LRRC49: variants seen among roughly 807,000 people sequenced by gnomAD.
LRRC49 encodes the protein leucine-rich repeat-containing protein 49.
A neutral mutation model predicts 83.3 loss-of-function variants in LRRC49; 50 were observed. The ratio of observed to expected loss-of-function variants is 0.60; its 90% CI spans 0.48 to 0.76. The LOEUF is 0.76. Among genes scored for constraint, LRRC49 ranks in the 30% least tolerant of loss-of-function variants. The pLI is 0.00. For synonymous variants in LRRC49, 286 were observed against 283.3 expected (o/e 1.01, Z -0.10); for missense variants, 704 against 809.1 (o/e 0.87, Z 1.58).
At chr15:70,854,817 A>G (rs2032610433) in intron 1 of LRRC49, among the ~76,000 whole-genome samples, 2 of 152,190 alleles carry the variant, frequency 1.3e-5, no homozygotes, top group Admixed American at 6.5e-5. Flanking sequence ...TGTTTTAACA[A>G]GGCCTCTAGG....
chr15:70,892,633 C>G (rs575408952), upstream of LRRC49: 14 of 1,448,644 alleles, frequency 9.7e-6, no homozygotes, highest in Middle Eastern at 2.5e-4. Context: ...TATCCTCCTC[C>G]CAATACTCCC....
chr15:71,035,949 A>G (rs1485523416), intron 14 of LRRC49, among the ~76,000 whole-genome samples: 1 of 151,962 alleles, frequency 6.6e-6, no homozygotes, highest in Non-Finnish European at 1.5e-5. Context: ...ACTAATTTAC[A>G]CTCCCACCAA....
chr15:70,888,177 A>G (rs1287273308), upstream of LRRC49, among the ~76,000 whole-genome samples: 5 of 152,208 alleles, frequency 3.3e-5, no homozygotes, highest in Admixed American at 2.6e-4. Flanking sequence ...AAAATTGACA[A>G]ATCAATTCTG....
chr15:70,988,683 TGTTAGCTG>T (rs1430770453), intron 11 of LRRC49, among the ~76,000 whole-genome samples: 1 of 152,116 alleles, frequency 6.6e-6, no homozygotes, highest in African/African-American at 2.4e-5. Flanking sequence ...GTCATTATGA[TGTTAGCTG>T]GTTATTTTGC....
At chr15:70,979,358 A>G (rs974061646) in intron 9 of LRRC49, among the ~76,000 whole-genome samples, 2 of 152,124 alleles carry the variant, frequency 1.3e-5, no homozygotes, top group East Asian at 1.9e-4. Context: ...ATGAAACTAT[A>G]TAAAATTAAG....
Position 70,984,118 on chromosome 15 carries a change from A to C in LRRC49, c.1030A>C (p.Asn344His), listed in dbSNP as rs781118354. The C allele has an allele frequency of 2.4e-5, 39 of 1,610,514 alleles. 1 individual carries two copies. The South Asian group carries it at 4.2e-4, about 17-fold the overall frequency. ...LKEKKRLTIN[N>H]VARQWDLQQQ... The stretch of plus-strand genomic sequence containing the variant: ...GGAGAAGAAAAGGTTAACAATTAAC[A>C]ACGTAGCTCGACAGTGGGACTTGCA... Residue 344 changes from asparagine to histidine, a missense_variant, in exon 11 of 16, where the codon AAC (asparagine) becomes CAC (histidine). Asn to His is a moderately conservative substitution (Grantham distance 68). Coordinates refer to ENST00000260382, the MANE Select transcript of LRRC49 (RefSeq NM_017691.5).
At chr15:70,935,623 G>C (rs2035567479) in intron 7 of LRRC49, among the ~76,000 whole-genome samples, 1 of 152,056 alleles carries the variant, frequency 6.6e-6, no homozygotes, top group East Asian at 1.9e-4. Context: ...TTTTGATTTA[G>C]GATTAAATAT....
chr15:70,982,273 G>T (rs978054161), intron 10 of LRRC49, among the ~76,000 whole-genome samples: 1 of 152,066 alleles, frequency 6.6e-6, no homozygotes, highest in African/African-American at 2.4e-5. Flanking sequence ...AAAGCATGAA[G>T]CCAACTGAGA....
intron 1 of LRRC49, among the ~76,000 whole-genome samples, chr15:70,869,864 C>T (rs12905942): frequency 0.55 from 82,842 of 151,666 alleles, 23,366 homozygotes; most frequent in Admixed American, 0.69. Flanking sequence ...CTTATTTGTA[C>T]GTGTTTGCTT....
chr15:70,920,852 A>G (rs998135314), intron 7 of LRRC49, among the ~76,000 whole-genome samples: 31 of 152,210 alleles, frequency 2.0e-4, no homozygotes, highest in African/African-American at 7.2e-4. Flanking sequence ...TGTGAAATAT[A>G]TGGACAAATA....
chr15:70,873,627 C>T (rs1039254783), intron 2 of LRRC49, among the ~76,000 whole-genome samples: 4 of 152,148 alleles, frequency 2.6e-5, no homozygotes, highest in African/African-American at 9.7e-5. Flanking sequence ...CTTCATGTGT[C>T]TGACAGTTGG....
intron 13 of LRRC49, among the ~76,000 whole-genome samples, chr15:71,010,825 T>C (rs1337324165): frequency 6.6e-6 from 1 of 152,090 alleles, no homozygotes; most frequent in African/African-American, 2.4e-5. Context: ...AAAAACATCT[T>C]TAATATGTTG....
chr15:71,049,501 G>T lies in LRRC49; in HGVS notation c.1950G>T (p.Gln650His), dbSNP rs2039956498. The change falls in exon 16 of 16, where the codon CAG becomes CAT. Residue 650 changes from glutamine to histidine, a missense_variant. Gln to His is a conservative substitution (Grantham distance 24, BLOSUM62 0). This residue lies in a region of LRRC49 where 275 missense variants were observed against 338.0 expected (regional missense o/e 0.81). Coordinates refer to ENST00000260382, the MANE Select transcript of LRRC49 (RefSeq NM_017691.5). The stretch of plus-strand genomic sequence containing the variant: ...TCAACATGAAAAATGAGGCTTTGCA[G>T]AAGCTTTGGCCACAGATGTTCATTG... The part of the protein sequence containing the change: ...TEINMKNEAL[Q>H]KLWPQMFIEL... The T allele has an allele frequency of 1.2e-6, 2 of 1,613,784 alleles. No homozygotes were observed. The highest frequency in any genetic ancestry group is 1.7e-6 in the Non-Finnish European group (2 of 1,179,702).
chr15:70,947,498 A>C (rs1386386592), intron 8 of LRRC49, among the ~76,000 whole-genome samples: 2 of 152,178 alleles, frequency 1.3e-5, no homozygotes, highest in Non-Finnish European at 2.9e-5. Context: ...TGAAAAAAAA[A>C]CCTTGCAGCT....
At chr15:70,966,806 T>C (rs1256017021) in intron 9 of LRRC49, among the ~76,000 whole-genome samples, 1 of 152,102 alleles carries the variant, frequency 6.6e-6, no homozygotes, top group African/African-American at 2.4e-5. Flanking sequence ...AGGATATATA[T>C]TAGACAGTAG....
intron 8 of LRRC49, among the ~76,000 whole-genome samples, chr15:70,952,436 T>C (rs2036252523): frequency 6.6e-6 from 1 of 151,590 alleles, no homozygotes; most frequent in African/African-American, 2.4e-5. Flanking sequence ...ATTTAATTTC[T>C]GAACTCATTA....
chr15:70,944,481 C>T lies in LRRC49; in HGVS notation c.773+7659C>T, dbSNP rs150302815. ...GTGCACTGGCGCGATCTCCGTTCACCGCAACCTCCGCCTCCAGGGTTCAAG... is the reference window on the plus strand; with the variant it reads ...GTGCACTGGCGCGATCTCCGTTCACTGCAACCTCCGCCTCCAGGGTTCAAG... On this transcript the variant is annotated intron_variant, in intron 8 of 15. Transcript: ENST00000260382. Among the ~76,000 whole-genome samples, 726 of 152,146 alleles carry T rather than the reference C, an allele frequency of 4.8e-3. 9 individuals carry two copies. Among genetic ancestry groups the T allele is most frequent in the African/African-American group, 0.017 (706 of 41,500 alleles).
intron 7 of LRRC49, among the ~76,000 whole-genome samples, chr15:70,932,318 A>G (rs2141151415): frequency 6.6e-6 from 1 of 152,342 alleles, no homozygotes. Context: ...TCTGTGTCAC[A>G]AAGTGATAGG....
intron 8 of LRRC49, among the ~76,000 whole-genome samples, chr15:70,956,775 T>G (rs1177127312): frequency 6.6e-6 from 1 of 152,200 alleles, no homozygotes; most frequent in Non-Finnish European, 1.5e-5. Context: ...GCCTGGCAGA[T>G]GGAAATGAAA....
Sources: gnomAD v4.1 joint callset for allele counts (sites outside exome capture counted in the v4.1 genomes callset) on GRCh38, gnomAD v4.1.1 for gene constraint, gnomAD v4.1.1 regional missense constraint, MANE v1.5 for transcripts, NCBI Gene and HGNC (gene_info 2026-07-23, HGNC 2026-07-21) for gene names.